BRINP3: variants seen among roughly 807,000 people sequenced by gnomAD.
BRINP3 encodes BMP/retinoic acid inducible neural specific 3, also known as BMP/retinoic acid-inducible neural-specific protein 3.
BRINP3 carries 19 observed loss-of-function variants against 71.0 expected under a neutral mutation model. The observed-to-expected ratio is 0.27, with a 90% CI of 0.19 to 0.39. BRINP3 has a LOEUF of 0.39. Among genes scored for constraint, BRINP3 ranks in the 10% least tolerant of loss-of-function variants. The pLI is 1.00. For synonymous variants in BRINP3, 380 were observed against 337.7 expected, an observed-to-expected ratio of 1.13 and a Z score of -1.37; for missense variants, 959 against 940.8, an observed-to-expected ratio of 1.02 and a Z score of -0.25.
chr1:190,127,164 T>C (rs767994251), intron 7 of BRINP3, among the ~76,000 whole-genome samples: 20 of 151,790 alleles, frequency 1.3e-4, no homozygotes, highest in Non-Finnish European at 2.4e-4. Context: ...TGATATATTT[T>C]ATATTTTTAT....
At chr1:190,455,826 G>C (rs1298414979) in intron 1 of BRINP3, among the ~76,000 whole-genome samples, 1 of 152,058 alleles carries the variant, frequency 6.6e-6, no homozygotes, top group Non-Finnish European at 1.5e-5. Flanking sequence ...TCAAAAAAAA[G>C]TAATAAGACG....
At chr1:190,203,789 AT>A (rs1655241937) in intron 6 of BRINP3, among the ~76,000 whole-genome samples, 4 of 107,206 alleles carry the variant, frequency 3.7e-5, no homozygotes, top group African/African-American at 7.2e-5. Flanking sequence ...ATATATATAT[AT>A]ATATATATAT....
Position 190,429,789 on chromosome 1 carries a change from A to G in BRINP3, c.236+24866T>C, listed in dbSNP as rs189246838. 3.5e-3 allele frequency among the ~76,000 whole-genome samples: 529 copies of G among 152,002 alleles called. 3 individuals are homozygous for G. The highest frequency in any genetic ancestry group is 4.5e-3 in the Non-Finnish European group (304 of 67,942). On this transcript the variant is annotated intron_variant, in intron 2 of 7. Coordinates refer to ENST00000367462, the MANE Select transcript of BRINP3 (RefSeq NM_199051.3). ...TATTTTTAGTCGAGACAGTTTCACCATCTTGGCCAGACTGGTCTCGAACTC... is the reference window on the plus strand; with the variant it reads ...TATTTTTAGTCGAGACAGTTTCACCGTCTTGGCCAGACTGGTCTCGAACTC...
intron 6 of BRINP3, among the ~76,000 whole-genome samples, chr1:190,207,794 G>T (rs960376508): frequency 6.6e-6 from 1 of 152,106 alleles, no homozygotes; most frequent in African/African-American, 2.4e-5. Context: ...AAGAGATACA[G>T]ACATGTTATT....
intron 7 of BRINP3, among the ~76,000 whole-genome samples, chr1:190,151,911 T>A (rs1656427251): frequency 6.6e-6 from 1 of 152,156 alleles, no homozygotes. Context: ...GTGACACTGA[T>A]CTCCAAGCAC....
At chr1:190,167,424 A>G (rs1651653094) in intron 6 of BRINP3, among the ~76,000 whole-genome samples, 1 of 152,144 alleles carries the variant, frequency 6.6e-6, no homozygotes, top group Admixed American at 6.6e-5. Context: ...ATATGCCTGC[A>G]TATAATTGAA....
chr1:190,260,648 T>C (rs1180189158), intron 4 of BRINP3, among the ~76,000 whole-genome samples: 1 of 152,078 alleles, frequency 6.6e-6, no homozygotes, highest in Non-Finnish European at 1.5e-5. Context: ...CAAAACTGCT[T>C]CTTGGAAAAG....
At chr1:190,296,609 T>C (rs1021246032) in intron 2 of BRINP3, among the ~76,000 whole-genome samples, 1 of 151,940 alleles carries the variant, frequency 6.6e-6, no homozygotes, top group Non-Finnish European at 1.5e-5. Flanking sequence ...ACATCCAAAC[T>C]GGAAAGGAAG....
At chr1:190,181,057 C>T (rs1245405228) in intron 6 of BRINP3, among the ~76,000 whole-genome samples, 1 of 152,040 alleles carries the variant, frequency 6.6e-6, no homozygotes, top group African/African-American at 2.4e-5. Context: ...ACAATCCCTC[C>T]ACTTCCAACT....
intron 7 of BRINP3, among the ~76,000 whole-genome samples, chr1:190,121,277 AT>A (rs1343637961): frequency 2.0e-5 from 3 of 152,152 alleles, no homozygotes; most frequent in Non-Finnish European, 4.4e-5. Context: ...ATTTGGGGAT[AT>A]GAAGAGAATG....
Position 190,249,269 on chromosome 1 carries a change from G to A in BRINP3, c.619-14792C>T, listed in dbSNP as rs546152756. ...CCCCAGCAGCCCTAAGCACAGCACA[G>A]ACACTGAATAAACCTTCACCAAATA... On this transcript the variant is annotated intron_variant, in intron 4 of 7. Transcript: ENST00000367462. Among the ~76,000 whole-genome samples, 5 of 151,820 alleles carry A rather than the reference G, an allele frequency of 3.3e-5. No homozygotes were observed. The South Asian group carries it at 1.0e-3, about 31-fold the overall frequency.
At chr1:190,314,001 G>A (rs752868630) in intron 2 of BRINP3, among the ~76,000 whole-genome samples, 13 of 152,036 alleles carry the variant, frequency 8.6e-5, no homozygotes, top group Non-Finnish European at 1.5e-4. Context: ...ATGGCTGAAA[G>A]AGATGTGAGG....
intron 7 of BRINP3, among the ~76,000 whole-genome samples, chr1:190,159,035 T>C (rs1393057514): frequency 2.0e-5 from 3 of 152,048 alleles, no homozygotes; most frequent in African/African-American, 4.8e-5. Context: ...CAAAAAAATA[T>C]TGAAATCTGT....
chr1:190,474,126 T>C (rs1415810230), intron 1 of BRINP3, among the ~76,000 whole-genome samples: 1 of 152,208 alleles, frequency 6.6e-6, no homozygotes, highest in Non-Finnish European at 1.5e-5. Flanking sequence ...TTTCTTCTTC[T>C]AACTCTCTAC....
chr1:190,228,362 C>T (rs1657602470), intron 5 of BRINP3, among the ~76,000 whole-genome samples: 1 of 151,892 alleles, frequency 6.6e-6, no homozygotes, highest in Admixed American at 6.6e-5. Flanking sequence ...AACTACTTAT[C>T]CATTTTAATC....
intron 2 of BRINP3, among the ~76,000 whole-genome samples, chr1:190,400,520 C>T (rs1241926309): frequency 6.6e-6 from 1 of 152,078 alleles, no homozygotes; most frequent in East Asian, 1.9e-4. Flanking sequence ...CTATCCAATG[C>T]TTTTAGTCAG....
At chr1:190,474,366 C>T (rs1275915083) in intron 1 of BRINP3, 2 of 152,592 alleles carry the variant, frequency 1.3e-5, no homozygotes, top group Non-Finnish European at 2.9e-5. Flanking sequence ...GATAGTAAAA[C>T]ACAAGTTATA....
chr1:190,136,119 AT>A (rs1405783803), intron 7 of BRINP3, among the ~76,000 whole-genome samples: 14 of 152,250 alleles, frequency 9.2e-5, no homozygotes, highest in African/African-American at 2.9e-4. Context: ...AGATAAAAAA[AT>A]ATTTCATGAG....
intron 3 of BRINP3, among the ~76,000 whole-genome samples, chr1:190,272,706 A>C (rs954304816): frequency 6.6e-6 from 1 of 151,452 alleles, no homozygotes; most frequent in Non-Finnish European, 1.5e-5. Flanking sequence ...TACTAATAAT[A>C]GTAGTGGGTT....
Sources: allele counts gnomAD v4.1 joint callset (sites outside exome capture counted in the v4.1 genomes callset), GRCh38; gene constraint gnomAD v4.1.1; transcripts MANE v1.5; gene names NCBI Gene and HGNC (gene_info 2026-07-23, HGNC 2026-07-21).